Variants in SYT17 observed in about 807,000 individuals in gnomAD.
SYT17 encodes synaptotagmin-17.
In SYT17, 22 loss-of-function variants were observed where a neutral mutation model predicts 46.7. The observed-to-expected ratio is 0.47, with a 90% CI of 0.34 to 0.67. SYT17 has a LOEUF of 0.67. Ranked by LOEUF, SYT17 falls within the 30% of genes least tolerant of loss-of-function variation. The pLI, the probability that SYT17 is intolerant of heterozygous loss-of-function variation, is 0.01. For synonymous variants in SYT17, 251 were observed against 248.4 expected (o/e 1.01, Z -0.10); for missense variants, 519 against 612.8 (o/e 0.85, Z 1.62).
At chr16:19,259,397 A>G (rs887977643) in intron 7 of SYT17, among the ~76,000 whole-genome samples, 4 of 152,180 alleles carry the variant, frequency 2.6e-5, no homozygotes, top group African/African-American at 9.7e-5. Context: ...TCATGATCAT[A>G]ATTATAAAAA....
intron 5 of SYT17, among the ~76,000 whole-genome samples, chr16:19,197,326 T>C (rs1965286702): frequency 6.8e-6 from 1 of 147,096 alleles, no homozygotes; most frequent in Non-Finnish European, 1.5e-5. Flanking sequence ...AAATAGAAAT[T>C]GATTCATTTT....
chr16:19,177,354 G>C (rs1439813801), intron 3 of SYT17, among the ~76,000 whole-genome samples: 1 of 152,190 alleles, frequency 6.6e-6, no homozygotes, highest in Non-Finnish European at 1.5e-5. Flanking sequence ...TTCCCAGGAT[G>C]AATGAGGTCT....
chr16:19,208,106 A>T (rs1011942842), intron 5 of SYT17, among the ~76,000 whole-genome samples: 41 of 152,210 alleles, frequency 2.7e-4, no homozygotes, highest in South Asian at 4.1e-4. Flanking sequence ...GCAAAGAGGG[A>T]TGCATCCTAC....
chr16:19,260,291 A>G (rs1295448220), intron 7 of SYT17, among the ~76,000 whole-genome samples: 1 of 145,750 alleles, frequency 6.9e-6, no homozygotes, highest in African/African-American at 2.6e-5. Context: ...GGAGTTAGAG[A>G]CCAGCCTGAG....
At chr16:19,263,365 G>T (rs1969119343) in intron 7 of SYT17, among the ~76,000 whole-genome samples, 1 of 152,106 alleles carries the variant, frequency 6.6e-6, no homozygotes, top group African/African-American at 2.4e-5. Context: ...ACATAGGCCA[G>T]CCATGGTGAC....
rs77611950 is a variant in SYT17 at position 19,265,762 on chromosome 16, C to T, written c.1229-1118C>T. 6.9e-3 allele frequency among the ~76,000 whole-genome samples: 1,046 copies of T among 152,264 alleles called. 11 individuals carry two copies. The highest frequency in any genetic ancestry group is 0.024 in the African/African-American group (979 of 41,554). On this transcript the variant is annotated intron_variant, in intron 7 of 7. Coordinates refer to ENST00000355377, the MANE Select transcript of SYT17 (RefSeq NM_016524.4). ...ACCCACACACAGATCAAGAATTAGG[C>T]GGAACTTGGCCGGGAAGATAAATCA...
chr16:19,205,330 AG>A (rs2142759935), intron 5 of SYT17, among the ~76,000 whole-genome samples: 1 of 152,088 alleles, frequency 6.6e-6, no homozygotes, highest in Non-Finnish European at 1.5e-5. Context: ...GCCCTACCTC[AG>A]GGCCTTTGCA....
At chr16:19,238,075 T>C (rs915248900) in intron 7 of SYT17, among the ~76,000 whole-genome samples, 3 of 152,204 alleles carry the variant, frequency 2.0e-5, no homozygotes, top group Non-Finnish European at 4.4e-5. Context: ...GAAAGACCAC[T>C]GTGTTAATGG....
chr16:19,245,683 C>A (rs1370279092), intron 7 of SYT17, among the ~76,000 whole-genome samples: 2 of 152,156 alleles, frequency 1.3e-5, no homozygotes, highest in African/African-American at 4.8e-5. Flanking sequence ...CTGTCTCCAC[C>A]CATAAAAACG....
chr16:19,174,613 T>C (rs1380380281), intron 3 of SYT17, among the ~76,000 whole-genome samples: 1 of 152,188 alleles, frequency 6.6e-6, no homozygotes, highest in Non-Finnish European at 1.5e-5. Flanking sequence ...AGCAAAATGG[T>C]TCTGTATCCA....
chr16:19,225,440 T>C (rs959509953), intron 7 of SYT17, among the ~76,000 whole-genome samples: 1 of 152,208 alleles, frequency 6.6e-6, no homozygotes, highest in African/African-American at 2.4e-5. Context: ...TTCCAGGGTA[T>C]ATTAGTTATT....
intron 5 of SYT17, among the ~76,000 whole-genome samples, chr16:19,187,023 T>A (rs148445154): frequency 1.3e-5 from 2 of 152,120 alleles, no homozygotes; most frequent in South Asian, 2.1e-4. Context: ...TTTGCTTTTT[T>A]AAAATTATTA....
At chr16:19,182,296 T>A (rs1964589830) in intron 4 of SYT17, among the ~76,000 whole-genome samples, 1 of 151,930 alleles carries the variant, frequency 6.6e-6, no homozygotes, top group Admixed American at 6.6e-5. Context: ...ACAACTGTAG[T>A]CCCAGCTACT....
intron 3 of SYT17, among the ~76,000 whole-genome samples, chr16:19,177,953 A>G (rs1157138136): frequency 1.3e-5 from 2 of 152,198 alleles, no homozygotes; most frequent in Non-Finnish European, 2.9e-5. Flanking sequence ...AGAGTTTAGC[A>G]TTACTGGCTT....
At chr16:19,227,255 A>G (rs1966530191) in intron 7 of SYT17, among the ~76,000 whole-genome samples, 1 of 150,576 alleles carries the variant, frequency 6.6e-6, no homozygotes, top group African/African-American at 2.5e-5. Flanking sequence ...GGCAGCCACC[A>G]CCTTCTCACT....
intron 5 of SYT17, among the ~76,000 whole-genome samples, chr16:19,191,053 A>G (rs568506286): frequency 2.6e-5 from 4 of 152,218 alleles, no homozygotes; most frequent in African/African-American, 9.6e-5. Flanking sequence ...TGGAGAGATT[A>G]GATGCCCCGT....
At chr16:19,236,937 T>C (rs1966856708) in intron 7 of SYT17, among the ~76,000 whole-genome samples, 1 of 152,198 alleles carries the variant, frequency 6.6e-6, no homozygotes, top group Non-Finnish European at 1.5e-5. Context: ...ATTGATACTA[T>C]GTGATCCTAG....
At chr16:19,251,099 A>G (rs183510650) in intron 7 of SYT17, among the ~76,000 whole-genome samples, 133 of 152,272 alleles carry the variant, frequency 8.7e-4, no homozygotes, top group African/African-American at 2.9e-3. Context: ...TATCCATTCT[A>G]GTAATAGGGT....
At position 19,226,360 on chromosome 16, in the gene SYT17, G is replaced by A. The variant is rs74011547; in HGVS notation, c.1228+1522G>A. Among the ~76,000 whole-genome samples the A allele has an allele frequency of 3.8e-3, 578 of 152,224 alleles. 6 individuals are homozygous for A. Among genetic ancestry groups the A allele is most frequent in the African/African-American group, 0.013 (555 of 41,546 alleles). On this transcript the variant is annotated intron_variant, in intron 7 of 7. Transcript: ENST00000355377. ...CTCTCCTCTGGTTAGATCTTGTCTA[G>A]AACCCTGGGCTCCAGGTCTCCCAAG...
Sources: allele counts gnomAD v4.1 joint callset (sites outside exome capture counted in the v4.1 genomes callset), GRCh38; gene constraint gnomAD v4.1.1; transcripts MANE v1.5; gene names NCBI Gene and HGNC (gene_info 2026-07-23, HGNC 2026-07-21).